Variants in LY6S observed in about 807,000 individuals in gnomAD.
LY6S encodes lymphocyte antigen 6 family member S.
chr8:143,070,420 ATT>A, the LY6S span, among the ~76,000 whole-genome samples: 31 of 96,992 alleles, frequency 3.2e-4, 1 homozygote, highest in African/African-American at 1.7e-3. Flanking sequence ...ATGTATATAT[ATT>A]TATATATATA....
the LY6S span, chr8:143,066,555 G>T: frequency 3.2e-6 from 1 of 315,836 alleles, no homozygotes; most frequent in Non-Finnish European, 6.4e-6. Context: ...GGCCCTTTTT[G>T]GCATGACCAT....
At chr8:143,071,857 AT>A in the LY6S span, among the ~76,000 whole-genome samples, 2 of 152,166 alleles carry the variant, frequency 1.3e-5, no homozygotes, top group African/African-American at 4.8e-5. Context: ...GAAAACTCTA[AT>A]TCAGAGCCAC....
At chr8:143,050,896 G>A in the LY6S span, among the ~76,000 whole-genome samples, 1 of 152,234 alleles carries the variant, frequency 6.6e-6, no homozygotes, top group Non-Finnish European at 1.5e-5. Flanking sequence ...AAAGCAGAGT[G>A]AGTCCCCTGA....
the LY6S span, among the ~76,000 whole-genome samples, chr8:143,050,016 CGTCCAGTTGTGGGAGAAACGCCTG>C: frequency 6.6e-6 from 1 of 151,438 alleles, no homozygotes; most frequent in African/African-American, 2.5e-5. Flanking sequence ...AGAAACACCT[CGTCCAGTTGTGGGAGAAACGCCTG>C]GTCCGGTTGT....
the LY6S span, among the ~76,000 whole-genome samples, chr8:143,055,059 T>C: frequency 6.6e-6 from 1 of 152,228 alleles, no homozygotes; most frequent in Non-Finnish European, 1.5e-5. Flanking sequence ...AAAAACATTG[T>C]TACCCAGGCA....
At chr8:143,044,587 G>A in the LY6S span, 1 of 1,185,082 alleles carries the variant, frequency 8.4e-7, no homozygotes. Flanking sequence ...AAAGTGCTGA[G>A]GGCTTGTAGG....
At chr8:143,045,498 C>T in the LY6S span, among the ~76,000 whole-genome samples, 1 of 152,172 alleles carries the variant, frequency 6.6e-6, no homozygotes, top group South Asian at 2.1e-4. This position sits in a 1 kb window ranked among gnomAD's most constrained non-coding sequence, Gnocchi z 5.3. Context: ...CACAGTCACC[C>T]AAAGGAGAAC....
the LY6S span, chr8:143,065,969 C>T: frequency 5.2e-5 from 17 of 327,022 alleles, no homozygotes; most frequent in Non-Finnish European, 8.3e-5. Context: ...TAAATCGAGG[C>T]GGGGGTGTTC....
chr8:143,054,303 C>CAAAAAAAAAAAAAAAAAAAAAAAAAAA, the LY6S span: 1 of 64,760 alleles, frequency 1.5e-5, no homozygotes, highest in Admixed American at 2.1e-4. Flanking sequence ...CACTCCATCC[C>CAAAAAAAAAAAAAAAAAAAAAAAAAAA]AAAAAAAAAA....
At chr8:143,053,778 C>T in the LY6S span, 12 of 152,324 alleles carry the variant, frequency 7.9e-5, no homozygotes, top group African/African-American at 2.6e-4. Flanking sequence ...GTAGCTGAAA[C>T]TTTGTCACTG....
At chr8:143,069,832 G>A in the LY6S span, among the ~76,000 whole-genome samples, 1 of 152,144 alleles carries the variant, frequency 6.6e-6, no homozygotes, top group Non-Finnish European at 1.5e-5. Flanking sequence ...AACCTGTGGC[G>A]TCTACAAGCC....
At chr8:143,057,355 T>A in the LY6S span, 3 of 388,572 alleles carry the variant, frequency 7.7e-6, no homozygotes, top group African/African-American at 6.3e-5. Flanking sequence ...GTTCAAGCAA[T>A]TCTCCTGCCT....
chr8:143,050,181 T>C, the LY6S span, among the ~76,000 whole-genome samples: 3 of 24,130 alleles, frequency 1.2e-4, no homozygotes. Context: ...CCTGACTTTT[T>C]TTTTTTTTTT....
At chr8:143,058,973 A>G in the LY6S span, among the ~76,000 whole-genome samples, 11,366 of 151,776 alleles carry the variant, frequency 0.075, 1,018 homozygotes, top group African/African-American at 0.26. Context: ...TTATTATAAT[A>G]TTGGAATAAA....
At chr8:143,043,013 G>C in the LY6S span, 1 of 1,367,794 alleles carries the variant, frequency 7.3e-7, no homozygotes, top group East Asian at 4.6e-5. Flanking sequence ...TGGCTGAAAA[G>C]CCACACCAGA....
At chr8:143,071,883 G>C in the LY6S span, among the ~76,000 whole-genome samples, 33,326 of 152,056 alleles carry the variant, frequency 0.22, 5,212 homozygotes, top group African/African-American at 0.43. Flanking sequence ...GAGGGAGTCT[G>C]GTGGTTCTTC....
the LY6S span, chr8:143,044,829 C>A: frequency 7.4e-7 from 1 of 1,359,022 alleles, no homozygotes; most frequent in Non-Finnish European, 9.8e-7. Flanking sequence ...TGGGTGACTG[C>A]AGCACATGCC....
the LY6S span, among the ~76,000 whole-genome samples, chr8:143,056,571 T>C: frequency 3.3e-5 from 5 of 152,198 alleles, no homozygotes; most frequent in Non-Finnish European, 5.9e-5. Context: ...AATCTGTAAA[T>C]CCAGTTGTTT....
At chr8:143,073,762 G>A in the LY6S span, among the ~76,000 whole-genome samples, 2 of 149,128 alleles carry the variant, frequency 1.3e-5, no homozygotes, top group African/African-American at 2.5e-5. Flanking sequence ...TGAGGAGACA[G>A]CCATCGTCCC....
Sources: allele counts gnomAD v4.1 joint callset (sites outside exome capture counted in the v4.1 genomes callset), GRCh38; gene constraint gnomAD v4.1.1; non-coding constraint Gnocchi (gnomAD v3.1); transcripts MANE v1.5; gene names NCBI Gene and HGNC (gene_info 2026-07-23, HGNC 2026-07-21).